Variants in DDX10 observed in about 807,000 individuals in gnomAD.
DDX10 encodes the protein probable ATP-dependent RNA helicase DDX10.
Under a neutral mutation model 104.3 loss-of-function variants are expected in DDX10, and 74 were observed. The ratio of observed to expected loss-of-function variants is 0.71; its 90% CI spans 0.59 to 0.86. The LOEUF (loss-of-function observed/expected upper bound fraction) is 0.86. Among genes scored for constraint, DDX10 ranks in the 40% least tolerant of loss-of-function variants. The pLI is 0.00. For synonymous variants in DDX10, 351 were observed against 353.4 expected, an observed-to-expected ratio of 0.99 and a Z score of 0.08; for missense variants, 952 against 1,040.0, an observed-to-expected ratio of 0.92 and a Z score of 1.16.
At chr11:108,668,084 G>C (rs2094212292) in intron 1 of DDX10, among the ~76,000 whole-genome samples, 2 of 152,178 alleles carry the variant, frequency 1.3e-5, no homozygotes, top group Admixed American at 6.5e-5. Context: ...GCTTTGCTCT[G>C]GTTGGCAGCA....
At chr11:108,905,312 AGG>A (rs35966996) in intron 16 of DDX10, among the ~76,000 whole-genome samples, 117 of 106,722 alleles carry the variant, frequency 1.1e-3, no homozygotes, top group African/African-American at 4.8e-3. Flanking sequence ...AGATTGTTTA[AGG>A]GGGGGGGGGG....
At chr11:108,874,409 A>G (rs918891990) in intron 16 of DDX10, among the ~76,000 whole-genome samples, 9 of 152,226 alleles carry the variant, frequency 5.9e-5, no homozygotes. Flanking sequence ...AGGCCTTTCA[A>G]GACACTCAGA....
At chr11:108,876,114 T>G (rs1389932858) in intron 16 of DDX10, among the ~76,000 whole-genome samples, 1 of 152,218 alleles carries the variant, frequency 6.6e-6, no homozygotes, top group East Asian at 1.9e-4. Flanking sequence ...ACATTACTGA[T>G]AATTGACTAT....
chr11:108,772,003 G>A (rs2094363830), intron 13 of DDX10, among the ~76,000 whole-genome samples: 1 of 152,180 alleles, frequency 6.6e-6, no homozygotes, highest in Non-Finnish European at 1.5e-5. Flanking sequence ...TTTTTAGCTT[G>A]TAGTTTGTCC....
intron 16 of DDX10, among the ~76,000 whole-genome samples, chr11:108,889,572 A>T (rs924920127): frequency 2.0e-5 from 3 of 152,198 alleles, no homozygotes; most frequent in Non-Finnish European, 4.4e-5. Context: ...ACTGAAAAAA[A>T]CTTTTGCCAA....
Position 108,737,638 on chromosome 11 carries a change from A to G in DDX10, c.1965+14176A>G, listed in dbSNP as rs11212772. ...TGGCATTAATGTGCATGAGATAGAT[A>G]TCACTTATTGCAGCTTTTGGAAAAG... On this transcript the variant is annotated intron_variant, in intron 13 of 17. Transcript: ENST00000322536. Among the ~76,000 whole-genome samples, 239 of 152,356 alleles carry G rather than the reference A, an allele frequency of 1.6e-3. 8 individuals carry two copies. In the East Asian group the frequency reaches 0.044, roughly 28 times the overall value.
Position 108,820,391 on chromosome 11 carries a change from T to C in DDX10, c.1966-18055T>C, listed in dbSNP as rs571414314. Among the ~76,000 whole-genome samples, 4 of 152,304 alleles carry C rather than the reference T, an allele frequency of 2.6e-5. No homozygotes were observed. In the South Asian group the frequency reaches 6.2e-4, roughly 24 times the overall value. On this transcript the variant is annotated intron_variant, in intron 13 of 17. Coordinates refer to ENST00000322536, the MANE Select transcript of DDX10 (RefSeq NM_004398.4). The stretch of plus-strand genomic sequence containing the variant: ...AGCCAGGATCAGGTAGGGGAAGGAA[T>C]TGATTTCTCTGTCTCCCTCTTATTC...
At chr11:108,800,442 CAAAAAAAA>C (rs61200843) in intron 13 of DDX10, among the ~76,000 whole-genome samples, 4 of 94,412 alleles carry the variant, frequency 4.2e-5, no homozygotes, top group Admixed American at 1.4e-4. Context: ...GAGACTCTTT[CAAAAAAAA>C]AAAAAAAAAA....
intron 4 of DDX10, 90 bp downstream of exon 4, chr11:108,677,333 C>T (rs2094226991): frequency 6.7e-6 from 8 of 1,196,098 alleles, no homozygotes; most frequent in Non-Finnish European, 9.5e-6. Flanking sequence ...GAGACTTCAT[C>T]TAAACAGACT....
intron 13 of DDX10, among the ~76,000 whole-genome samples, chr11:108,730,530 T>G (rs2094310767): frequency 6.6e-6 from 1 of 152,252 alleles, no homozygotes; most frequent in Admixed American, 6.5e-5. Context: ...ACTGAATTTC[T>G]TATTCCTTCA....
chr11:108,701,229 A>G (rs1418218377), intron 9 of DDX10, among the ~76,000 whole-genome samples: 1 of 152,136 alleles, frequency 6.6e-6, no homozygotes, highest in African/African-American at 2.4e-5. Context: ...CATGTTGTGC[A>G]GGAGGAACAG....
intron 13 of DDX10, among the ~76,000 whole-genome samples, chr11:108,817,106 T>C (rs994240055): frequency 1.3e-5 from 2 of 152,226 alleles, no homozygotes; most frequent in African/African-American, 2.4e-5. Context: ...AAATTGGTTT[T>C]GTTATATAGT....
At chr11:108,858,715 A>C (rs1388279869) in intron 16 of DDX10, among the ~76,000 whole-genome samples, 1 of 152,190 alleles carries the variant, frequency 6.6e-6, no homozygotes, top group East Asian at 1.9e-4. Flanking sequence ...GAATTTAATA[A>C]ATTCTTAAAG....
chr11:108,866,242 A>G (rs1863006723), intron 16 of DDX10, among the ~76,000 whole-genome samples: 1 of 152,196 alleles, frequency 6.6e-6, no homozygotes, highest in East Asian at 1.9e-4. Context: ...AGCAGCTAGG[A>G]AAACTGGTAT....
rs1397987678 is a variant in DDX10 at position 108,665,321 on chromosome 11, C to T, written c.168C>T (p.Leu56=). 1.3e-6 allele frequency: 2 copies of T among 1,595,368 alleles called. No homozygotes were observed. Among genetic ancestry groups the T allele is most frequent in the African/African-American group, 1.4e-5 (1 of 73,424 alleles). The change falls in exon 1 of 18, where the codon CTC becomes CTT. Residue 56 remains leucine, a synonymous_variant. Coordinates refer to ENST00000322536, the MANE Select transcript of DDX10 (RefSeq NM_004398.4). Reference sequence around the variant, plus strand: ...TCGAGCGCGAGAGTATCAGCCGCCTCATGCAGAACTATGAAAAGGTGAGGC... The same window carrying T: ...TCGAGCGCGAGAGTATCAGCCGCCTTATGCAGAACTATGAAAAGGTGAGGC... The part of the protein sequence containing the change: ...WQVERESISR[L]MQNYEKINVN...
chr11:108,794,157 T>C (rs1478320579), intron 13 of DDX10, among the ~76,000 whole-genome samples: 10 of 152,200 alleles, frequency 6.6e-5, no homozygotes, highest in Admixed American at 6.5e-4. Context: ...AGTGCACACT[T>C]CCCTTTGATA....
intron 12 of DDX10, among the ~76,000 whole-genome samples, chr11:108,720,545 T>G (rs2094296962): frequency 6.6e-6 from 1 of 152,186 alleles, no homozygotes; most frequent in Non-Finnish European, 1.5e-5. Context: ...GAGGTTACTA[T>G]TGTATGAAAC....
chr11:108,750,879 T>A (rs946991504), intron 13 of DDX10, among the ~76,000 whole-genome samples: 4 of 139,854 alleles, frequency 2.9e-5, no homozygotes, highest in African/African-American at 1.0e-4. Flanking sequence ...CACTTCAGCC[T>A]CCTGAGTAGC....
chr11:108,830,629 C>A (rs1200226479), intron 13 of DDX10, among the ~76,000 whole-genome samples: 1 of 152,034 alleles, frequency 6.6e-6, no homozygotes, highest in Non-Finnish European at 1.5e-5. Context: ...TGTTCCAGTT[C>A]TCAGGGGGGG....
Sources: allele counts gnomAD v4.1 joint callset (sites outside exome capture counted in the v4.1 genomes callset), GRCh38; gene constraint gnomAD v4.1.1; transcripts MANE v1.5; gene names NCBI Gene and HGNC (gene_info 2026-07-23, HGNC 2026-07-21).